MAD1L1: variants seen among roughly 807,000 people sequenced by gnomAD.
MAD1L1 encodes the protein mitotic arrest deficient 1 like 1.
In MAD1L1, 95 loss-of-function variants were observed where a neutral mutation model predicts 96.9. The ratio of observed to expected loss-of-function variants is 0.98; its 90% CI spans 0.83 to 1.16. The LOEUF is 1.16. Ranked by LOEUF, MAD1L1 falls within the 50% of genes most tolerant of loss-of-function variation. MAD1L1 has a pLI of 0.00. For synonymous variants in MAD1L1, 473 were observed against 396.6 expected (o/e 1.19, Z -2.29); for missense variants, 1,007 against 954.4 (o/e 1.06, Z -0.73).
intron 17 of MAD1L1, among the ~76,000 whole-genome samples, chr7:1,926,905 G>T (rs1024519980): frequency 5.9e-5 from 9 of 152,166 alleles, no homozygotes; most frequent in African/African-American, 1.9e-4. Context: ...AAACAAAATA[G>T]AAGACATATG....
chr7:2,165,122 T>C (rs999484952), intron 10 of MAD1L1, among the ~76,000 whole-genome samples: 11 of 151,316 alleles, frequency 7.3e-5, no homozygotes, highest in African/African-American at 2.7e-4. Flanking sequence ...GAGAATCGCC[T>C]CAACCCGGGA....
chr7:2,016,326 C>T (rs1303380975), intron 12 of MAD1L1, among the ~76,000 whole-genome samples: 1 of 152,166 alleles, frequency 6.6e-6, no homozygotes, highest in African/African-American at 2.4e-5. Context: ...GCTGTGGGGA[C>T]CGCCCCCACC....
chr7:2,180,676 T>C (rs1226552037), intron 10 of MAD1L1, among the ~76,000 whole-genome samples: 1 of 152,238 alleles, frequency 6.6e-6, no homozygotes, highest in African/African-American at 2.4e-5. Context: ...TGTTGTCAGA[T>C]TGTTCACTGC....
At chr7:1,909,445 T>G (rs1452832303) in intron 17 of MAD1L1, among the ~76,000 whole-genome samples, 1 of 152,242 alleles carries the variant, frequency 6.6e-6, no homozygotes. Context: ...TGCAATTTTA[T>G]TAGCAGCCAT....
chr7:1,942,945 C>T (rs961090855), intron 16 of MAD1L1, among the ~76,000 whole-genome samples: 2 of 152,210 alleles, frequency 1.3e-5, no homozygotes, highest in African/African-American at 4.8e-5. Context: ...TACAGACCAA[C>T]AACACAGTGG....
chr7:2,163,468 G>A (rs901406459), intron 10 of MAD1L1, among the ~76,000 whole-genome samples: 14 of 152,068 alleles, frequency 9.2e-5, no homozygotes, highest in African/African-American at 2.7e-4. Flanking sequence ...CTGCCCCCCC[G>A]GTTCAAGCGA....
chr7:1,989,957 C>T (rs1359964943), intron 14 of MAD1L1, among the ~76,000 whole-genome samples: 2 of 152,232 alleles, frequency 1.3e-5, no homozygotes, highest in African/African-American at 4.8e-5. Flanking sequence ...ACCTTGCATT[C>T]GGTTTAATTT....
chr7:2,017,957 C>T (rs1254189062), intron 12 of MAD1L1, among the ~76,000 whole-genome samples: 3 of 152,056 alleles, frequency 2.0e-5, no homozygotes, highest in Non-Finnish European at 4.4e-5. Context: ...AGCAGCGAGA[C>T]CAGGAAGCCG....
At chr7:1,916,716 T>G (rs1788422616) in intron 17 of MAD1L1, among the ~76,000 whole-genome samples, 1 of 152,028 alleles carries the variant, frequency 6.6e-6, no homozygotes, top group African/African-American at 2.4e-5. Flanking sequence ...GCGGGTGTCT[T>G]GTTGCCTCCC....
chr7:1,986,195 G>A (rs193190740), intron 14 of MAD1L1, among the ~76,000 whole-genome samples: 10 of 152,268 alleles, frequency 6.6e-5, no homozygotes, highest in Admixed American at 2.0e-4. Flanking sequence ...AGCTCCCTCC[G>A]GCAGGAGAGA....
chr7:1,980,426 T>A, intron 15 of MAD1L1, 27 bp downstream of exon 15: 1 of 1,596,516 alleles, frequency 6.3e-7, no homozygotes, highest in Non-Finnish European at 8.6e-7. Context: ...CACCTGGGCG[T>A]GTCCGCCTCC....
At chr7:2,022,521 AGCCTGG>A (rs1415333633) in intron 12 of MAD1L1, among the ~76,000 whole-genome samples, 1 of 151,838 alleles carries the variant, frequency 6.6e-6, no homozygotes, top group Admixed American at 6.6e-5. Flanking sequence ...ACTGTACCCC[AGCCTGG>A]GCGACAAGAG....
intron 11 of MAD1L1, among the ~76,000 whole-genome samples, chr7:2,096,391 G>A (rs779470187): frequency 6.6e-6 from 1 of 152,188 alleles, no homozygotes; most frequent in Admixed American, 6.5e-5. Flanking sequence ...ATCTGGCTCT[G>A]GGCACACATG....
intron 18 of MAD1L1, among the ~76,000 whole-genome samples, chr7:1,850,181 G>A (rs1046802313): frequency 5.3e-5 from 8 of 152,236 alleles, no homozygotes; most frequent in South Asian, 2.1e-4. Flanking sequence ...CCTGGTGTTC[G>A]GTCCTGAACC....
At chr7:1,866,138 G>A (rs1315421363) in intron 18 of MAD1L1, among the ~76,000 whole-genome samples, 1 of 152,226 alleles carries the variant, frequency 6.6e-6, no homozygotes, top group Non-Finnish European at 1.5e-5. Context: ...GGGCTGGTTG[G>A]TGGGAGGGGG....
intron 15 of MAD1L1, 77 bp from the exon 16 acceptor site, chr7:1,957,796 G>A (rs1779792089): frequency 7.4e-7 from 1 of 1,354,778 alleles, no homozygotes; most frequent in African/African-American, 1.4e-5. Flanking sequence ...GGGTGATAAG[G>A]AGGTGAAAGG....
intron 18 of MAD1L1, chr7:1,838,816 G>C: frequency 2.1e-6 from 1 of 471,430 alleles, no homozygotes; most frequent in Non-Finnish European, 4.4e-6. Flanking sequence ...TGACCACGGG[G>C]TGAACGTCCT....
chr7:1,879,756 A>G (rs192628875), intron 18 of MAD1L1, among the ~76,000 whole-genome samples: 2 of 152,266 alleles, frequency 1.3e-5, no homozygotes, highest in Admixed American at 6.5e-5. Flanking sequence ...TTTGAGACGG[A>G]GTCTCACTCT....
At chr7:1,833,903 G>C (rs957306595) in intron 18 of MAD1L1, among the ~76,000 whole-genome samples, 1 of 152,190 alleles carries the variant, frequency 6.6e-6, no homozygotes, top group African/African-American at 2.4e-5. Context: ...AGCTGAGATT[G>C]CGCCATGCAC....
Sources: allele counts gnomAD v4.1 joint callset (sites outside exome capture counted in the v4.1 genomes callset), GRCh38; gene constraint gnomAD v4.1.1; transcripts MANE v1.5; gene names NCBI Gene and HGNC (gene_info 2026-07-23, HGNC 2026-07-21).